LRMDA: variants seen among roughly 807,000 people sequenced by gnomAD.
The protein encoded by LRMDA is leucine-rich melanocyte differentiation-associated protein.
A neutral mutation model predicts 29.8 loss-of-function variants in LRMDA; 18 were observed. That is an observed-to-expected ratio of 0.60 (90% CI 0.42 to 0.90). The LOEUF (loss-of-function observed/expected upper bound fraction) is 0.90, where lower values mean the gene tolerates loss of function less well. Among genes scored for constraint, LRMDA ranks in the 40% least tolerant of loss-of-function variants. The pLI, the probability that LRMDA is intolerant of heterozygous loss-of-function variation, is 0.00. For missense variants in LRMDA, 273 were observed against 273.9 expected (o/e 1.00, Z 0.02); for synonymous variants, 125 against 109.4 (o/e 1.14, Z -0.89).
intron 2 of LRMDA, among the ~76,000 whole-genome samples, chr10:75,552,202 A>G (rs1324201961): frequency 6.6e-6 from 1 of 152,140 alleles, no homozygotes; most frequent in Non-Finnish European, 1.5e-5. Flanking sequence ...TAACATCATC[A>G]TAGTATGGTA....
chr10:76,036,580 C>T (rs576145874), intron 3 of LRMDA, among the ~76,000 whole-genome samples: 4 of 152,298 alleles, frequency 2.6e-5, no homozygotes, highest in African/African-American at 9.6e-5. Context: ...CTGGAAGGCT[C>T]TGGGGCAGGC....
chr10:76,397,028 G>C (rs16933523), intron 6 of LRMDA, among the ~76,000 whole-genome samples: 2,902 of 152,146 alleles, frequency 0.019, 86 homozygotes, highest in African/African-American at 0.066. Flanking sequence ...GGATGAGATT[G>C]AAACCCCTTT....
intron 2 of LRMDA, among the ~76,000 whole-genome samples, chr10:75,721,521 A>G (rs925415144): frequency 9.9e-5 from 15 of 152,160 alleles, no homozygotes; most frequent in Admixed American, 1.3e-4. Flanking sequence ...AAGTCCCTTG[A>G]CTTTTACAAT....
chr10:75,781,827 A>G (rs1377836831), intron 2 of LRMDA, among the ~76,000 whole-genome samples: 1 of 152,204 alleles, frequency 6.6e-6, no homozygotes, highest in East Asian at 1.9e-4. Flanking sequence ...GAGATCACAG[A>G]GAATTGAGGT....
At chr10:76,118,643 G>A (rs1352130907) in intron 5 of LRMDA, among the ~76,000 whole-genome samples, 1 of 152,078 alleles carries the variant, frequency 6.6e-6, no homozygotes, top group Non-Finnish European at 1.5e-5. Flanking sequence ...TCTTGGAGGA[G>A]AAGACCATTC....
intron 2 of LRMDA, among the ~76,000 whole-genome samples, chr10:75,886,731 C>T (rs1208602335): frequency 2.0e-5 from 3 of 152,124 alleles, no homozygotes; most frequent in Non-Finnish European, 2.9e-5. Context: ...TAAGCTGTTT[C>T]CTATCCACTG....
At chr10:75,487,750 G>A (rs1844932705) in intron 2 of LRMDA, among the ~76,000 whole-genome samples, 1 of 152,196 alleles carries the variant, frequency 6.6e-6, no homozygotes, top group African/African-American at 2.4e-5. Flanking sequence ...CAGTGTCCAA[G>A]TGCTGAGTGT....
chr10:76,487,205 T>A (rs1042357115), intron 6 of LRMDA, among the ~76,000 whole-genome samples: 6 of 151,930 alleles, frequency 3.9e-5, no homozygotes, highest in African/African-American at 1.4e-4. Context: ...ATTCCTAGAT[T>A]TGCATTCTGT....
Position 76,551,473 on chromosome 10 carries a change from C to T in LRMDA, c.602-5736C>T, listed in dbSNP as rs1033299272. Among the ~76,000 whole-genome samples, 5 of 152,172 alleles carry T rather than the reference C, an allele frequency of 3.3e-5. No individual in the cohort carries two copies. In the East Asian group the frequency reaches 5.8e-4, roughly 18 times the overall value. On this transcript the variant is annotated intron_variant, in intron 6 of 6. Coordinates refer to ENST00000611255, the MANE Select transcript of LRMDA (RefSeq NM_001305581.2). The stretch of plus-strand genomic sequence containing the variant: ...TTGAACATCTCATCTGTACCAAGTG[C>T]AGATGCTCTCCAACTTACGAAGGTT...
At chr10:76,436,121 G>T (rs188686999) in intron 6 of LRMDA, among the ~76,000 whole-genome samples, 3 of 152,212 alleles carry the variant, frequency 2.0e-5, no homozygotes, top group Admixed American at 6.5e-5. Flanking sequence ...GCCCAGCTCT[G>T]TGGTGATGGG....
At chr10:75,612,095 T>G (rs1012628721) in intron 2 of LRMDA, among the ~76,000 whole-genome samples, 7 of 152,212 alleles carry the variant, frequency 4.6e-5, no homozygotes, top group Non-Finnish European at 8.8e-5. Flanking sequence ...TGCCATTTAG[T>G]GTGGGCTAGG....
At chr10:75,785,804 G>T (rs1175173038) in intron 2 of LRMDA, among the ~76,000 whole-genome samples, 1 of 152,216 alleles carries the variant, frequency 6.6e-6, no homozygotes, top group African/African-American at 2.4e-5. Context: ...AGCCAGTGCT[G>T]CTTTCTGTGT....
intron 5 of LRMDA, among the ~76,000 whole-genome samples, chr10:76,266,492 T>G (rs867348410): frequency 6.6e-6 from 1 of 152,204 alleles, no homozygotes; most frequent in African/African-American, 2.4e-5. Flanking sequence ...TGCCGTAATA[T>G]TGTGCTCTTC....
chr10:76,312,531 C>G (rs1199975519), intron 5 of LRMDA, among the ~76,000 whole-genome samples: 1 of 152,072 alleles, frequency 6.6e-6, no homozygotes, highest in Admixed American at 6.6e-5. Flanking sequence ...ACACATGAGG[C>G]AAGTTCCTTC....
chr10:75,850,238 TA>T (rs748243077), intron 2 of LRMDA, among the ~76,000 whole-genome samples: 11 of 152,238 alleles, frequency 7.2e-5, no homozygotes, highest in Non-Finnish European at 1.2e-4. Flanking sequence ...ATAAAAAGAT[TA>T]AAAACTGCAG....
chr10:75,958,108 G>A (rs1175405762), intron 2 of LRMDA, among the ~76,000 whole-genome samples: 4 of 152,180 alleles, frequency 2.6e-5, no homozygotes, highest in Non-Finnish European at 4.4e-5. Flanking sequence ...TGACAGAAAT[G>A]CATTTCCAGG....
intron 2 of LRMDA, among the ~76,000 whole-genome samples, chr10:75,974,672 A>G (rs1454469884): frequency 6.6e-6 from 1 of 152,058 alleles, no homozygotes; most frequent in Admixed American, 6.5e-5. Context: ...GAGTTGTAGA[A>G]AGGTTAAGTT....
At chr10:75,838,535 T>A (rs1302234488) in intron 2 of LRMDA, among the ~76,000 whole-genome samples, 1 of 152,192 alleles carries the variant, frequency 6.6e-6, no homozygotes, top group African/African-American at 2.4e-5. Flanking sequence ...GTGTGGGTCA[T>A]CCAGACTGTG....
In LRMDA at chr10:76,257,717, A is replaced by T. The variant is rs147271656; in HGVS notation, c.517-66684A>T. 8.5e-5 allele frequency among the ~76,000 whole-genome samples: 13 copies of T among 152,338 alleles called. 1 individual carries two copies. The East Asian group carries it at 2.5e-3, about 29-fold the overall frequency. On this transcript the variant is annotated intron_variant, in intron 5 of 6. Coordinates refer to ENST00000611255, the MANE Select transcript of LRMDA (RefSeq NM_001305581.2). ...GAAAAAATATGTAATTTAATACTTTATCAATTTCCTTTTATCTTGCAACAA... is the reference window on the plus strand; with the variant it reads ...GAAAAAATATGTAATTTAATACTTTTTCAATTTCCTTTTATCTTGCAACAA...
Sources: gnomAD v4.1 joint callset for allele counts (sites outside exome capture counted in the v4.1 genomes callset) on GRCh38, gnomAD v4.1.1 for gene constraint, MANE v1.5 for transcripts, NCBI Gene and HGNC (gene_info 2026-07-23, HGNC 2026-07-21) for gene names.